Variants in ACACA observed in about 807,000 individuals in gnomAD.
ACACA encodes acetyl-CoA carboxylase alpha, also known as acetyl-CoA carboxylase 1.
Under a neutral mutation model 296.1 loss-of-function variants are expected in ACACA, and 103 were observed. That is an observed-to-expected ratio of 0.35 (90% confidence interval 0.30 to 0.41). The LOEUF (loss-of-function observed/expected upper bound fraction) is 0.41. Among genes scored for constraint, ACACA ranks in the 10% least tolerant of loss-of-function variants. The pLI, the probability that ACACA is intolerant of heterozygous loss-of-function variation, is 1.00. For synonymous variants in ACACA, 953 were observed against 1,038.6 expected (o/e 0.92, Z 1.58); for missense variants, 1,554 against 2,989.7 (o/e 0.52, Z 11.20).
intron 3 of ACACA, among the ~76,000 whole-genome samples, chr17:37,296,195 T>C (rs2083317619): frequency 6.6e-6 from 1 of 152,156 alleles, no homozygotes; most frequent in African/African-American, 2.4e-5. Context: ...TTCCATTTGA[T>C]TTAGTTCTAG....
At chr17:37,193,873 C>A (rs2077870898) in intron 35 of ACACA, among the ~76,000 whole-genome samples, 1 of 152,132 alleles carries the variant, frequency 6.6e-6, no homozygotes, top group Non-Finnish European at 1.5e-5. Context: ...ATGATTTTCA[C>A]ATTTATTCTC....
chr17:37,263,964 T>A, intron 10 of ACACA, 70 bp from the exon 11 acceptor site: 1 of 1,286,546 alleles, frequency 7.8e-7, no homozygotes, highest in Non-Finnish European at 1.1e-6. Flanking sequence ...CTTGATAAGC[T>A]ACTTTGATTT....
chr17:37,168,275 G>A (rs1207105199), intron 41 of ACACA, among the ~76,000 whole-genome samples: 2 of 152,080 alleles, frequency 1.3e-5, no homozygotes, highest in Non-Finnish European at 2.9e-5. Flanking sequence ...GCACTTTGCG[G>A]GGTAAAAACA....
intron 18 of ACACA, 23 bp downstream of exon 18, chr17:37,247,988 A>T (rs376515343): frequency 5.8e-5 from 93 of 1,613,814 alleles, no homozygotes; most frequent in Admixed American, 2.7e-4. Flanking sequence ...TGACCAGCAA[A>T]TGGACCTCAA....
intron 39 of ACACA, among the ~76,000 whole-genome samples, chr17:37,185,402 CTTTTTT>C (rs67821579): frequency 1.2e-4 from 6 of 48,438 alleles, no homozygotes; most frequent in African/African-American, 4.6e-4. Context: ...CTGGCTATTT[CTTTTTT>C]TTTTTTTTTT....
At chr17:37,221,952 G>A (rs2079312781) in intron 28 of ACACA, 110 bp from the exon 29 acceptor site, 1 of 899,782 alleles carries the variant, frequency 1.1e-6, no homozygotes, top group African/African-American at 1.7e-5. Context: ...TGCTCTGTGG[G>A]GAGAGAAGTC....
At chr17:37,305,850 C>G (rs560822287) in intron 3 of ACACA, among the ~76,000 whole-genome samples, 1 of 149,408 alleles carries the variant, frequency 6.7e-6, no homozygotes, top group East Asian at 2.0e-4. Context: ...CAATCCCAGA[C>G]AAGAATACCA....
At chr17:37,367,773 C>G (rs867332902) in intron 1 of ACACA, 4 of 152,132 alleles carry the variant, frequency 2.6e-5, no homozygotes, top group Admixed American at 6.6e-5. Context: ...TCAATTAATT[C>G]AGAAATTGTG....
At chr17:37,263,633 TG>T (rs1166202527) in intron 11 of ACACA, 51 bp downstream of exon 11, 2 of 1,470,298 alleles carry the variant, frequency 1.4e-6, no homozygotes, top group Non-Finnish European at 1.9e-6. Flanking sequence ...ATGAACTGAA[TG>T]AAAAATGTTC....
chr17:37,251,013 C>T (rs188101318), intron 16 of ACACA, among the ~76,000 whole-genome samples: 96 of 151,900 alleles, frequency 6.3e-4, no homozygotes, highest in Admixed American at 6.5e-4. Flanking sequence ...GGCATCAGTG[C>T]GAGACTCTGT....
chr17:37,270,507 A>G (rs927411136), intron 10 of ACACA, among the ~76,000 whole-genome samples: 1 of 152,224 alleles, frequency 6.6e-6, no homozygotes, highest in African/African-American at 2.4e-5. Flanking sequence ...GAGCACGTTT[A>G]TATAAGACAG....
intron 1 of ACACA, among the ~76,000 whole-genome samples, chr17:37,362,989 AAC>A: frequency 6.7e-6 from 1 of 149,358 alleles, no homozygotes; most frequent in Non-Finnish European, 1.5e-5. Context: ...AAAAAAAAAA[AAC>A]AAAACCACCA....
intron 54 of ACACA, among the ~76,000 whole-genome samples, chr17:37,092,873 C>T (rs1035744445): frequency 6.6e-6 from 1 of 152,192 alleles, no homozygotes; most frequent in Non-Finnish European, 1.5e-5. Flanking sequence ...TTCAATACAC[C>T]TACACTTACA....
chr17:37,117,848 CTT>C, intron 50 of ACACA, among the ~76,000 whole-genome samples: 1 of 150,352 alleles, frequency 6.7e-6, no homozygotes, highest in East Asian at 2.0e-4. Flanking sequence ...TGTCTCTAAT[CTT>C]TTCCTACTCA....
chr17:37,235,989 T>C (rs1198227610), intron 24 of ACACA, among the ~76,000 whole-genome samples: 2 of 152,210 alleles, frequency 1.3e-5, no homozygotes, highest in Non-Finnish European at 2.9e-5. Context: ...CAGAATTAAA[T>C]TTCCAAGTAA....
At chr17:37,399,172 G>A (rs922540791) in intron 1 of ACACA, among the ~76,000 whole-genome samples, 6 of 151,350 alleles carry the variant, frequency 4.0e-5, no homozygotes, top group East Asian at 3.9e-4. Flanking sequence ...GTAGAGATGG[G>A]GTTTCACCAT....
At chr17:37,363,012 T>C (rs1401321905) in intron 1 of ACACA, among the ~76,000 whole-genome samples, 2 of 146,582 alleles carry the variant, frequency 1.4e-5, no homozygotes, top group Non-Finnish European at 3.0e-5. Context: ...GGGTGCTTGT[T>C]AAAAATGCAG....
intron 1 of ACACA, among the ~76,000 whole-genome samples, chr17:37,382,665 T>C (rs1174708989): frequency 2.6e-5 from 4 of 152,046 alleles, no homozygotes; most frequent in Non-Finnish European, 5.9e-5. Context: ...ATCAGGACCA[T>C]CCTGGCCAAC....
rs979656160 is a variant in ACACA, at chr17:37,284,689, C to T, written c.471+149G>A. 1.8e-5 allele frequency: 16 copies of T among 901,722 alleles called. No individual in the cohort carries two copies. The African/African-American group carries it at 2.3e-4, about 13-fold the overall frequency. The allele number at this position is 901,722 out of a possible 1,614,324, so 55.9% of individuals were successfully genotyped here. On this transcript the variant is annotated intron_variant, in intron 4 of 55. Coordinates refer to ENST00000616317, the MANE Select transcript of ACACA (RefSeq NM_198834.3). ...ACAGTGAAATTATATTAATAGGATG[C>T]TAGGGAGGCAGAAAGGCTAAAATTC...
Sources: allele counts gnomAD v4.1 joint callset (sites outside exome capture counted in the v4.1 genomes callset), GRCh38; gene constraint gnomAD v4.1.1; transcripts MANE v1.5; gene names NCBI Gene and HGNC (gene_info 2026-07-23, HGNC 2026-07-21).